Variants in CACNA2D3 observed in about 807,000 individuals in gnomAD.
CACNA2D3 encodes the protein calcium voltage-gated channel auxiliary subunit alpha2delta 3.
A neutral mutation model predicts 160.6 loss-of-function variants in CACNA2D3; 60 were observed. That is an observed-to-expected ratio of 0.37 (90% CI 0.30 to 0.46). The LOEUF (loss-of-function observed/expected upper bound fraction) is 0.46. Among genes scored for constraint, CACNA2D3 ranks in the 20% least tolerant of loss-of-function variants. CACNA2D3 has a pLI of 1.00. For synonymous variants in CACNA2D3, 558 were observed against 492.9 expected, an observed-to-expected ratio of 1.13 and a Z score of -1.75; for missense variants, 1,205 against 1,365.0, an observed-to-expected ratio of 0.88 and a Z score of 1.85.
At chr3:54,522,449 A>C (rs1394919857) in intron 5 of CACNA2D3, among the ~76,000 whole-genome samples, 1 of 152,184 alleles carries the variant, frequency 6.6e-6, no homozygotes, top group Admixed American at 6.5e-5. Flanking sequence ...ATTTCTATGT[A>C]CAAGCTTATG....
chr3:55,021,024 C>A (rs924810883), intron 35 of CACNA2D3, among the ~76,000 whole-genome samples: 2 of 152,028 alleles, frequency 1.3e-5, no homozygotes, highest in Non-Finnish European at 2.9e-5. Flanking sequence ...TTACATTTTC[C>A]CTCTTTCTGT....
intron 4 of CACNA2D3, among the ~76,000 whole-genome samples, chr3:54,500,016 CAT>C (rs1440098919): frequency 1.3e-5 from 2 of 152,156 alleles, no homozygotes; most frequent in Non-Finnish European, 2.9e-5. Context: ...ATAGCTAGTT[CAT>C]CTGTTTCTCC....
At chr3:54,258,033 A>C (rs964962616) in intron 2 of CACNA2D3, among the ~76,000 whole-genome samples, 3 of 152,232 alleles carry the variant, frequency 2.0e-5, no homozygotes, top group Non-Finnish European at 4.4e-5. Flanking sequence ...ATTCAAGTTC[A>C]TAGCTGGTGC....
chr3:54,279,790 G>C (rs1702828737), intron 2 of CACNA2D3, among the ~76,000 whole-genome samples: 1 of 152,166 alleles, frequency 6.6e-6, no homozygotes, highest in Non-Finnish European at 1.5e-5. Flanking sequence ...CTTGTCTTGA[G>C]GGTTTGGGCT....
intron 4 of CACNA2D3, among the ~76,000 whole-genome samples, chr3:54,467,726 G>A (rs1291485456): frequency 1.3e-5 from 2 of 152,160 alleles, no homozygotes; most frequent in Admixed American, 6.5e-5. Flanking sequence ...GGATGGGAGG[G>A]TACAGGGGAA....
intron 2 of CACNA2D3, among the ~76,000 whole-genome samples, chr3:54,256,585 GC>G (rs1453194044): frequency 1.3e-5 from 2 of 152,096 alleles, no homozygotes; most frequent in African/African-American, 4.8e-5. Flanking sequence ...CCAAGTTTAT[GC>G]TGCTTCCCAG....
At chr3:54,323,204 G>A (rs1027140031) in intron 3 of CACNA2D3, among the ~76,000 whole-genome samples, 4 of 152,222 alleles carry the variant, frequency 2.6e-5, no homozygotes, top group Admixed American at 6.5e-5. Flanking sequence ...GGGAAGCAGT[G>A]AGTGTGACTC....
intron 9 of CACNA2D3, among the ~76,000 whole-genome samples, chr3:54,596,263 T>G (rs992874449): frequency 2.0e-5 from 3 of 152,076 alleles, no homozygotes; most frequent in Non-Finnish European, 4.4e-5. Context: ...ATCATTGTCT[T>G]CTCCCAGCAT....
chr3:54,612,019 G>A (rs1698758268), intron 9 of CACNA2D3, among the ~76,000 whole-genome samples: 1 of 152,174 alleles, frequency 6.6e-6, no homozygotes, highest in South Asian at 2.1e-4. Flanking sequence ...TGCCCCCATG[G>A]TCTGTCCCAG....
At chr3:55,053,117 A>AT (rs1704267465) in intron 35 of CACNA2D3, among the ~76,000 whole-genome samples, 1 of 152,022 alleles carries the variant, frequency 6.6e-6, no homozygotes, top group South Asian at 2.1e-4. Context: ...ACCTCTAAAA[A>AT]TTTGTTTCTT....
rs66526065 is a variant in CACNA2D3 at position 54,554,870 on chromosome 3, C to CTT, written c.545-7910_545-7909dup. ...TTTCTTTTCTTTTCTCTCTCACTCTCTTTTTTTTTTTTTTTTTTTTTGGAG... is the reference window on the plus strand; with the variant it reads ...TTTCTTTTCTTTTCTCTCTCACTCTCTTTTTTTTTTTTTTTTTTTTTTTGGAG... On this transcript the variant is annotated intron_variant, in intron 5 of 37. Transcript: ENST00000474759. Among the ~76,000 whole-genome samples, 228 of 96,112 alleles carry CTT rather than the reference C, an allele frequency of 2.4e-3. 3 individuals carry two copies. The highest frequency in any genetic ancestry group is 5.5e-3 in the Middle Eastern group (1 of 182). 63.1% of individuals were successfully genotyped at this position (96,112 alleles called of 152,430 possible).
At chr3:55,013,316 G>A (rs1188195182) in intron 34 of CACNA2D3, among the ~76,000 whole-genome samples, 1 of 152,170 alleles carries the variant, frequency 6.6e-6, no homozygotes, top group Non-Finnish European at 1.5e-5. Flanking sequence ...AGCTAATGAC[G>A]ACAGCGAGAG....
chr3:54,805,409 G>A (rs560642455), intron 13 of CACNA2D3, among the ~76,000 whole-genome samples: 90 of 152,284 alleles, frequency 5.9e-4, no homozygotes, highest in African/African-American at 2.0e-3. Context: ...TACCATCAGA[G>A]AATACTACAA....
intron 35 of CACNA2D3, among the ~76,000 whole-genome samples, chr3:55,025,795 G>C (rs1201159086): frequency 6.6e-6 from 1 of 152,076 alleles, no homozygotes; most frequent in Admixed American, 6.5e-5. Context: ...TAGCAGCAGT[G>C]AAAAGACACT....
intron 27 of CACNA2D3, among the ~76,000 whole-genome samples, chr3:54,955,918 A>G (rs1299635878): frequency 3.3e-5 from 5 of 152,164 alleles, no homozygotes; most frequent in Admixed American, 6.5e-5. Context: ...CAGCCTCGCC[A>G]TCTGCCTGAT....
intron 35 of CACNA2D3, among the ~76,000 whole-genome samples, chr3:55,042,404 ATGGCCGTCTTTATCTC>A (rs1466401298): frequency 1.3e-5 from 2 of 152,130 alleles, no homozygotes; most frequent in African/African-American, 4.8e-5. Context: ...CTCTTAGAAT[ATGGCCGTCTTTATCTC>A]TGGTGACATC....
intron 11 of CACNA2D3, among the ~76,000 whole-genome samples, chr3:54,653,333 T>A (rs1022590597): frequency 6.6e-6 from 1 of 152,160 alleles, no homozygotes; most frequent in African/African-American, 2.4e-5. Flanking sequence ...GTGCTGACAT[T>A]TCTCTCTTCT....
rs1559593321 is a variant in CACNA2D3, at chr3:54,816,838, GT to G, written c.1381-11del. Reference sequence around the variant, plus strand: ...ACTTTTTTCTTTTTTGTTTTGTTTTGTTTTCCCCCTTCAGCTCCCTCAGGCA... The same window carrying G: ...ACTTTTTTCTTTTTTGTTTTGTTTTGTTTCCCCCTTCAGCTCCCTCAGGCA... On this transcript the variant is annotated splice_polypyrimidine_tract_variant and intron_variant, in intron 13 of 37. Coordinates refer to ENST00000474759, the MANE Select transcript of CACNA2D3 (RefSeq NM_018398.3). 6.2e-7 allele frequency: 1 copy of G among 1,611,784 alleles called. No homozygotes were observed. Among genetic ancestry groups the G allele is most frequent in the East Asian group, 2.2e-5 (1 of 44,820 alleles).
intron 4 of CACNA2D3, among the ~76,000 whole-genome samples, chr3:54,489,598 C>T (rs1004486119): frequency 3.3e-5 from 5 of 152,142 alleles, no homozygotes; most frequent in East Asian, 1.9e-4. Context: ...TTTATAGATG[C>T]GGAGCTGAGA....
Sources: gnomAD v4.1 joint callset for allele counts (sites outside exome capture counted in the v4.1 genomes callset) on GRCh38, gnomAD v4.1.1 for gene constraint, MANE v1.5 for transcripts, NCBI Gene and HGNC (gene_info 2026-07-23, HGNC 2026-07-21) for gene names.